The following DIAPH2 variants were observed in gnomAD, a reference collection of about 807,000 sequenced individuals.
The protein encoded by DIAPH2 is diaphanous related formin 2, also known as protein diaphanous homolog 2.
In DIAPH2, 35 loss-of-function variants were observed where a neutral mutation model predicts 92.7. That is an observed-to-expected ratio of 0.38 (90% confidence interval 0.29 to 0.50). The LOEUF is 0.50. Ranked by LOEUF, DIAPH2 falls within the 20% of genes least tolerant of loss-of-function variation. The probability of loss-of-function intolerance (pLI) is 0.94; values close to 1 mark genes in which losing one functional copy is unlikely to be tolerated. For synonymous variants in DIAPH2, 301 were observed against 280.4 expected, an observed-to-expected ratio of 1.07 and a Z score of -0.73; for missense variants, 701 against 819.5, an observed-to-expected ratio of 0.86 and a Z score of 1.77.
chrX:97,431,026 T>C (rs2070121058), intron 26 of DIAPH2, among the ~76,000 whole-genome samples: 1 of 111,908 alleles, frequency 8.9e-6, no homozygotes, highest in Non-Finnish European at 1.9e-5. Flanking sequence ...GGTGGAAGAC[T>C]GGACGAAAAA....
intron 4 of DIAPH2, among the ~76,000 whole-genome samples, chrX:96,838,093 A>G (rs1047112443): frequency 2.7e-5 from 3 of 112,200 alleles, no homozygotes; most frequent in African/African-American, 9.7e-5. Context: ...CTTGATGGTC[A>G]TAAATCTTTA....
chrX:97,185,399 A>ATATATGTGTG (rs1569323133), intron 22 of DIAPH2, among the ~76,000 whole-genome samples: 7 of 49,096 alleles, frequency 1.4e-4, no homozygotes, highest in Non-Finnish European at 2.1e-4. Flanking sequence ...ATATGTGTAT[A>ATATATGTGTG]TATATATATA....
At chrX:97,347,804 A>G (rs1212176890) in intron 23 of DIAPH2, among the ~76,000 whole-genome samples, 1 of 111,256 alleles carries the variant, frequency 9.0e-6, no homozygotes, top group Non-Finnish European at 1.9e-5. Context: ...CCCTAATCCA[A>G]TATGTCTAGT....
chrX:97,403,055 C>T (rs1345173136), intron 25 of DIAPH2, among the ~76,000 whole-genome samples: 2 of 111,844 alleles, frequency 1.8e-5, no homozygotes, highest in Admixed American at 1.9e-4. Context: ...GAGCAGTAAA[C>T]CAAGTGTGAG....
At chrX:97,340,536 A>G (rs2069103421) in intron 23 of DIAPH2, among the ~76,000 whole-genome samples, 1 of 111,855 alleles carries the variant, frequency 8.9e-6, no homozygotes, top group Admixed American at 9.5e-5. Flanking sequence ...ATAGAAATCT[A>G]CAGGTAGCTG....
At chrX:97,093,433 G>T (rs1260511085) in intron 19 of DIAPH2, among the ~76,000 whole-genome samples, 2 of 111,161 alleles carry the variant, frequency 1.8e-5, no homozygotes, top group African/African-American at 6.5e-5. Flanking sequence ...GTTTCACCAG[G>T]TACCCACCCG....
chrX:97,299,840 GTTAAT>G (rs1207708620), intron 23 of DIAPH2, among the ~76,000 whole-genome samples: 3 of 111,925 alleles, frequency 2.7e-5, no homozygotes, highest in African/African-American at 9.7e-5. Context: ...GCCATTTATA[GTTAAT>G]TTATTCTATA....
At chrX:97,137,270 CATATATATATATATATAT>C (rs57799375) in intron 21 of DIAPH2, among the ~76,000 whole-genome samples, 35 of 68,256 alleles carry the variant, frequency 5.1e-4, no homozygotes, top group African/African-American at 1.4e-3. Context: ...CGCAGTTATA[CATATATATATATATATAT>C]ATATATATAT....
intron 4 of DIAPH2, among the ~76,000 whole-genome samples, chrX:96,811,240 G>T (rs916490440): frequency 1.1e-4 from 12 of 111,425 alleles, no homozygotes; most frequent in African/African-American, 3.6e-4. Flanking sequence ...CACATCCCTT[G>T]TAAGTTGGAT....
chrX:97,341,826 T>C (rs976180522), intron 23 of DIAPH2, among the ~76,000 whole-genome samples: 8 of 111,720 alleles, frequency 7.2e-5, no homozygotes, highest in Admixed American at 6.7e-4. Flanking sequence ...CCCACCCTCA[T>C]TGAGGAGGGT....
At chrX:97,018,636 G>A (rs185585509) in intron 17 of DIAPH2, among the ~76,000 whole-genome samples, 132 of 111,809 alleles carry the variant, frequency 1.2e-3, no homozygotes, top group African/African-American at 4.2e-3. Context: ...TTTTTAAAGA[G>A]CATTTTAGGT....
chrX:97,165,659 A>AT (rs199970468), intron 22 of DIAPH2, among the ~76,000 whole-genome samples: 404 of 97,396 alleles, frequency 4.1e-3, no homozygotes, highest in African/African-American at 7.6e-3. Context: ...ATGCCCAGCA[A>AT]TTTTTTTTTT....
In DIAPH2 at chrX:97,604,425, A is replaced by ACACT. The variant is rs1234058782; in HGVS notation, c.*5109_*5112dup. 1 of 111,940 alleles carries ACACT rather than the reference A, an allele frequency of 8.9e-6. No individual in the cohort carries two copies. The highest frequency in any genetic ancestry group is 3.3e-5 in the African/African-American group (1 of 30,671). 9.2% of individuals were successfully genotyped at this position (111,940 alleles called of 1,213,427 possible). ...GGGAGGGGGCACCATGCAGCTCACT[A>ACACT]CACTATTCATTGCACACAAATGAAT... On this transcript the variant is annotated 3_prime_UTR_variant, in exon 27 of 27. Coordinates refer to ENST00000324765, the MANE Select transcript of DIAPH2 (RefSeq NM_006729.5).
At chrX:97,070,777 A>G (rs951716560) in intron 17 of DIAPH2, among the ~76,000 whole-genome samples, 9 of 112,065 alleles carry the variant, frequency 8.0e-5, no homozygotes, top group Non-Finnish European at 1.1e-4. Context: ...CAAGGAAAAT[A>G]TGTTGAGATT....
At chrX:96,970,726 G>A (rs1216332803) in intron 17 of DIAPH2, among the ~76,000 whole-genome samples, 1 of 110,206 alleles carries the variant, frequency 9.1e-6, no homozygotes, top group Non-Finnish European at 1.9e-5. Context: ...TGGATTTTTG[G>A]GTATCAATGT....
At chrX:96,797,638 G>A (rs1415578168) in intron 4 of DIAPH2, among the ~76,000 whole-genome samples, 2 of 111,941 alleles carry the variant, frequency 1.8e-5, no homozygotes, top group South Asian at 3.7e-4. Flanking sequence ...AGCAAGAGAC[G>A]GAGGGGGAGG....
intron 16 of DIAPH2, among the ~76,000 whole-genome samples, chrX:96,962,314 TATATATATACACATATATATATAC>T (rs1569436437): frequency 4.7e-5 from 2 of 42,635 alleles, no homozygotes; most frequent in Non-Finnish European, 1.0e-4. Flanking sequence ...TATATATACA[TATATATATACACATATATATATAC>T]ATATATATAT....
intron 22 of DIAPH2, among the ~76,000 whole-genome samples, chrX:97,210,416 C>G (rs1264924213): frequency 9.0e-6 from 1 of 111,465 alleles, no homozygotes; most frequent in Non-Finnish European, 1.9e-5. Flanking sequence ...ATTTTCATTT[C>G]TGTTATAGGA....
chrX:96,863,651 T>G (rs1263175350), intron 4 of DIAPH2, among the ~76,000 whole-genome samples: 1 of 111,244 alleles, frequency 9.0e-6, no homozygotes, highest in Non-Finnish European at 1.9e-5. Context: ...GAAATCATTT[T>G]TTACCTAATT....
Sources: gnomAD v4.1 joint callset for allele counts (sites outside exome capture counted in the v4.1 genomes callset) on GRCh38, gnomAD v4.1.1 for gene constraint, MANE v1.5 for transcripts, NCBI Gene and HGNC (gene_info 2026-07-23, HGNC 2026-07-21) for gene names.